MYO5B: variants seen among roughly 807,000 people sequenced by gnomAD.
The protein encoded by MYO5B is unconventional myosin-Vb.
MYO5B carries 143 observed loss-of-function variants against 229.3 expected under a neutral mutation model. That is an observed-to-expected ratio of 0.62 (90% CI 0.54 to 0.72). MYO5B has a LOEUF of 0.72. MYO5B is among the 30% of genes least tolerant of loss of function. The pLI is 0.00. For missense variants in MYO5B, 2,321 were observed against 2,331.0 expected (o/e 1.00, Z 0.09); for synonymous variants, 918 against 885.2 (o/e 1.04, Z -0.66).
In MYO5B at chr18:49,837,597, G is replaced by A; in HGVS notation, c.5058C>T (p.Phe1686=). Residue 1686 remains phenylalanine, a synonymous_variant, in exon 37 of 40, where the codon TTC becomes TTT. Transcript: ENST00000285039. ...TAAGAGTCACTGCGTTGATCATGTA[G>A]AAGAGCTGTTTGAATACCTGCAGGA... The part of the protein sequence containing the change: ...EIILQVFKQL[F]YMINAVTLNN... 5 of 1,614,000 alleles carry A rather than the reference G, an allele frequency of 3.1e-6. No individual in the cohort carries two copies. The highest frequency in any genetic ancestry group is 4.2e-6 in the Non-Finnish European group (5 of 1,179,864).
chr18:50,121,222 C>G (rs1361815865), intron 1 of MYO5B, among the ~76,000 whole-genome samples: 1 of 152,208 alleles, frequency 6.6e-6, no homozygotes, highest in Non-Finnish European at 1.5e-5. Flanking sequence ...AGCGTGCCCA[C>G]GTGGTCTTCA....
At chr18:49,979,908 G>A (rs1315701572) in intron 9 of MYO5B, among the ~76,000 whole-genome samples, 1 of 152,164 alleles carries the variant, frequency 6.6e-6, no homozygotes, top group Non-Finnish European at 1.5e-5. Flanking sequence ...ACTACATTGG[G>A]CATCAGGAAA....
At chr18:50,055,212 A>ACC in intron 2 of MYO5B, 56 bp downstream of exon 2, 1 of 1,109,446 alleles carries the variant, frequency 9.0e-7, no homozygotes, top group South Asian at 1.3e-5. Context: ...TTCCTTGCAC[A>ACC]CCTGAGCTCC....
intron 5 of MYO5B, among the ~76,000 whole-genome samples, chr18:49,994,942 G>A (rs7228300): frequency 0.013 from 1,915 of 152,250 alleles, 41 homozygotes; most frequent in African/African-American, 0.044. Flanking sequence ...ATTTAATGCT[G>A]CCAAGAACCC....
intron 4 of MYO5B, 32 bp downstream of exon 4, chr18:50,036,818 C>A: frequency 6.2e-7 from 1 of 1,613,594 alleles, no homozygotes; most frequent in Non-Finnish European, 8.5e-7. Flanking sequence ...ACTGACTACT[C>A]AGGAGGACTT....
chr18:49,863,643 ACTC>A (rs548280735), intron 28 of MYO5B, among the ~76,000 whole-genome samples: 43 of 151,810 alleles, frequency 2.8e-4, no homozygotes, highest in Admixed American at 2.6e-3. Flanking sequence ...AATCCTCCAC[ACTC>A]CTCAGCACCT....
intron 1 of MYO5B, among the ~76,000 whole-genome samples, chr18:50,180,967 T>C (rs2033065445): frequency 6.6e-6 from 1 of 152,196 alleles, no homozygotes; most frequent in Non-Finnish European, 1.5e-5. Flanking sequence ...TCATGGATAA[T>C]GCTGCTCCAC....
intron 1 of MYO5B, among the ~76,000 whole-genome samples, chr18:50,148,098 T>C (rs2032534697): frequency 6.7e-6 from 1 of 150,296 alleles, no homozygotes; most frequent in Admixed American, 6.6e-5. Context: ...AATGGATACA[T>C]TCCTCGACAC....
chr18:50,039,741 C>T (rs1356877687), intron 3 of MYO5B, among the ~76,000 whole-genome samples: 1 of 152,162 alleles, frequency 6.6e-6, no homozygotes, highest in Non-Finnish European at 1.5e-5. Context: ...TCAGTACAAA[C>T]AGAGGCAAGT....
chr18:49,855,668 G>T (rs2024253713), intron 30 of MYO5B, among the ~76,000 whole-genome samples: 1 of 152,178 alleles, frequency 6.6e-6, no homozygotes, highest in Non-Finnish European at 1.5e-5. Context: ...GCCCCGTGAG[G>T]AAGGTCCTAT....
intron 14 of MYO5B, among the ~76,000 whole-genome samples, chr18:49,949,076 C>T (rs1453754076): frequency 2.0e-5 from 3 of 152,058 alleles, no homozygotes; most frequent in Non-Finnish European, 4.4e-5. Flanking sequence ...ATCTCAAGAT[C>T]CCTTATGCTG....
rs143577579 is a variant in MYO5B at position 49,974,702 on chromosome 18, G to A, written c.1057-87C>T. ...TGTCTTCCACCCTCCTGCCCAGAGG[G>A]AAAACAAGCCAAACTCAAGGCCTCC... On this transcript the variant is annotated intron_variant, in intron 9 of 39. Transcript: ENST00000285039. 1.0e-2 allele frequency: 15,105 copies of A among 1,510,782 alleles called. 109 individuals carry two copies. Among genetic ancestry groups the A allele is most frequent in the South Asian group, 0.014 (1,113 of 81,466 alleles). The allele number at this position is 1,510,782 out of a possible 1,614,324, so 93.6% of individuals were successfully genotyped here. A position where few individuals can be genotyped will look rare whatever the true frequency, so the allele number is the denominator to read the frequency against.
chr18:50,001,540 G>C, intron 4 of MYO5B, 129 bp from the exon 5 acceptor site: 2 of 1,171,008 alleles, frequency 1.7e-6, no homozygotes, highest in Admixed American at 3.5e-5. Context: ...AAACGCAGAG[G>C]AACAGTGTAA....
At chr18:49,944,432 G>C (rs902174501) in intron 14 of MYO5B, among the ~76,000 whole-genome samples, 6 of 152,148 alleles carry the variant, frequency 3.9e-5, no homozygotes, top group Admixed American at 6.5e-5. Flanking sequence ...TGTCCTGGGT[G>C]CCTAGAGGAG....
intron 27 of MYO5B, among the ~76,000 whole-genome samples, chr18:49,868,972 C>A (rs926484134): frequency 2.6e-5 from 4 of 152,212 alleles, no homozygotes; most frequent in African/African-American, 9.6e-5. Flanking sequence ...AGCAAAAAAT[C>A]ACTACTTGTC....
chr18:50,049,686 C>T (rs184120541), intron 2 of MYO5B, among the ~76,000 whole-genome samples: 3 of 152,300 alleles, frequency 2.0e-5, no homozygotes, highest in African/African-American at 7.2e-5. Flanking sequence ...GTAGCAAATC[C>T]TCCTCATGAC....
chr18:49,947,231 G>A (rs945749753), intron 14 of MYO5B, among the ~76,000 whole-genome samples: 1 of 149,862 alleles, frequency 6.7e-6, no homozygotes, highest in African/African-American at 2.5e-5. Flanking sequence ...TCAGCCTCCC[G>A]AGTAGCTGGG....
At chr18:50,097,762 G>A (rs1160575613) in intron 1 of MYO5B, 1 of 152,998 alleles carries the variant, frequency 6.5e-6, no homozygotes, top group East Asian at 1.9e-4. Flanking sequence ...GCCTCTCGGG[G>A]CCTACAGGCA....
chr18:50,117,920 A>C (rs916302519), intron 1 of MYO5B, among the ~76,000 whole-genome samples: 2 of 152,172 alleles, frequency 1.3e-5, no homozygotes, highest in African/African-American at 4.8e-5. Flanking sequence ...GTATGAAAGG[A>C]GCAAAGTCAG....
Sources: gnomAD v4.1 joint callset for allele counts (sites outside exome capture counted in the v4.1 genomes callset) on GRCh38, gnomAD v4.1.1 for gene constraint, MANE v1.5 for transcripts, NCBI Gene and HGNC (gene_info 2026-07-23, HGNC 2026-07-21) for gene names.